The following XDH variants were observed in gnomAD, a reference collection of about 807,000 sequenced individuals.
XDH encodes xanthine dehydrogenase, also known as xanthine dehydrogenase/oxidase.
Under a neutral mutation model 156.1 loss-of-function variants are expected in XDH, and 138 were observed. The observed-to-expected ratio is 0.88, with a 90% CI of 0.77 to 1.02. XDH has a LOEUF of 1.02. Ranked by LOEUF, XDH falls within the 50% of genes least tolerant of loss-of-function variation. The pLI is 0.00. For missense variants in XDH, 1,849 were observed against 1,684.9 expected (o/e 1.10, Z -1.71); for synonymous variants, 669 against 625.7 (o/e 1.07, Z -1.03).
chr2:31,345,383 ACTATCCCTCCATC>A (rs1348227906), intron 30 of XDH, among the ~76,000 whole-genome samples: 1 of 152,104 alleles, frequency 6.6e-6, no homozygotes, highest in Non-Finnish European at 1.5e-5. Context: ...TGTTGATCAA[ACTATCCCTCCATC>A]CTATCCCTTG....
Position 31,344,883 on chromosome 2 carries a change from G to A in XDH, c.3352-147C>T, listed in dbSNP as rs927003309. On this transcript the variant is annotated intron_variant, in intron 30 of 35. Transcript: ENST00000379416. ...CCATTTCCATACCTTACCTTACATTGTCACTGGCACCACCTGCACCAGGTC... is the reference window on the plus strand; with the variant it reads ...CCATTTCCATACCTTACCTTACATTATCACTGGCACCACCTGCACCAGGTC... The A allele has an allele frequency of 8.9e-6, 7 of 786,594 alleles. No homozygotes were observed. In the African/African-American group the frequency reaches 1.0e-4, roughly 11 times the overall value. The allele number at this position is 786,594 out of a possible 1,614,324, so 48.7% of individuals were successfully genotyped here. A position where few individuals can be genotyped will look rare whatever the true frequency, so the allele number is the denominator to read the frequency against.
At chr2:31,410,941 C>T (rs766836330) in intron 1 of XDH, among the ~76,000 whole-genome samples, 1 of 152,118 alleles carries the variant, frequency 6.6e-6, no homozygotes, top group Non-Finnish European at 1.5e-5. Flanking sequence ...TAGTATTACA[C>T]CAAAGCTAAG....
At chr2:31,384,851 C>T (rs150887971) in intron 9 of XDH, among the ~76,000 whole-genome samples, 5 of 152,268 alleles carry the variant, frequency 3.3e-5, no homozygotes, top group African/African-American at 7.2e-5. Context: ...GCAAGTTCTA[C>T]GTTACTAAGG....
rs1042036 is a variant in XDH, at chr2:31,342,253, G to C, written c.3449C>G (p.Pro1150Arg). 4.3e-6 allele frequency: 7 copies of C among 1,614,116 alleles called. No homozygotes were observed. Among genetic ancestry groups the C allele is most frequent in the Non-Finnish European group, 5.9e-6 (7 of 1,180,012 alleles). Reference sequence around the variant, plus strand: ...CACCCCATAGCTGAAGTAGTGGAAGGGGTTCCCTGAGTTAGTCTCAAAGCT... The same window carrying C: ...CACCCCATAGCTGAAGTAGTGGAAGCGGTTCCCTGAGTTAGTCTCAAAGCT... ...GYSFETNSGNPFHYFSYGVAC... is the reference protein window; with the variant it reads ...GYSFETNSGNRFHYFSYGVAC... Residue 1150 changes from proline (P) to arginine (R), a missense_variant, in exon 32 of 36, where the codon CCC (proline) becomes CGC (arginine). Transcript: ENST00000379416.
At chr2:31,346,735 T>C (rs768411606) in intron 30 of XDH, 34 bp downstream of exon 30, 4 of 1,613,930 alleles carry the variant, frequency 2.5e-6, no homozygotes, top group East Asian at 2.2e-5. Context: ...TTCCCTCTCC[T>C]TTGCAAACGT....
At chr2:31,383,691 C>T (rs1686503604) in intron 10 of XDH, 64 bp downstream of exon 10, 1 of 1,510,476 alleles carries the variant, frequency 6.6e-7, no homozygotes, top group Non-Finnish European at 9.1e-7. Flanking sequence ...TACCTGCCAC[C>T]CACCTTGTAA....
intron 5 of XDH, 134 bp from the exon 6 acceptor site, chr2:31,397,863 C>A: frequency 5.1e-6 from 5 of 977,882 alleles, no homozygotes; most frequent in Non-Finnish European, 8.0e-6. Context: ...TCTGGAAGGC[C>A]TCTTGGCCTT....
At chr2:31,404,686 A>C (rs548556575) in intron 2 of XDH, among the ~76,000 whole-genome samples, 2 of 152,184 alleles carry the variant, frequency 1.3e-5, no homozygotes, top group Non-Finnish European at 2.9e-5. Context: ...TCCCAGGTAG[A>C]TGGGCTGTAA....
intron 6 of XDH, among the ~76,000 whole-genome samples, chr2:31,397,261 G>A (rs939927321): frequency 6.6e-6 from 1 of 152,242 alleles, no homozygotes; most frequent in African/African-American, 2.4e-5. Flanking sequence ...GCAGCCAGGA[G>A]AGGGAAGGAG....
At chr2:31,386,029 C>T (rs1686581944) in intron 9 of XDH, among the ~76,000 whole-genome samples, 1 of 152,246 alleles carries the variant, frequency 6.6e-6, no homozygotes, top group African/African-American at 2.4e-5. Context: ...TTCCAGAGTA[C>T]CTGGCTCATG....
At chr2:31,404,104 C>G (rs1687132871) in intron 2 of XDH, among the ~76,000 whole-genome samples, 1 of 152,084 alleles carries the variant, frequency 6.6e-6, no homozygotes, top group Non-Finnish European at 1.5e-5. Context: ...AAACTGAGAC[C>G]CAAGAGGTAA....
chr2:31,387,771 G>A lies in XDH; in HGVS notation c.651+40C>T, dbSNP rs541964944. On this transcript the variant is annotated intron_variant, in intron 8 of 35. Transcript: ENST00000379416. ...TAAAGCAGGTTTCCAGGGACTCACA[G>A]TACAGACCCGGCTGGATCTGTCCCT... is the stretch of plus-strand genomic sequence containing the variant. The A allele has an allele frequency of 2.6e-6, 4 of 1,543,192 alleles. No homozygotes were observed. In the African/African-American group the frequency reaches 5.4e-5, roughly 21 times the overall value.
At chr2:31,410,090 C>A (rs1978639) in intron 1 of XDH, among the ~76,000 whole-genome samples, 71,577 of 152,004 alleles carry the variant, frequency 0.47, 17,106 homozygotes, top group Non-Finnish European at 0.48. Context: ...TATGCTACAA[C>A]ATAGGTGAAC....
chr2:31,398,268 A>G (rs1686963802), intron 5 of XDH, among the ~76,000 whole-genome samples: 1 of 152,170 alleles, frequency 6.6e-6, no homozygotes, highest in South Asian at 2.1e-4. Flanking sequence ...GAGTTTTCTA[A>G]ATGACGTCTT....
chr2:31,408,368 C>G (rs1462059408), intron 1 of XDH, among the ~76,000 whole-genome samples: 1 of 152,144 alleles, frequency 6.6e-6, no homozygotes, highest in Non-Finnish European at 1.5e-5. Context: ...GGTGTGACAG[C>G]AGGATTACCA....
chr2:31,353,333 A>T (rs1405190001), intron 24 of XDH, among the ~76,000 whole-genome samples: 1 of 152,186 alleles, frequency 6.6e-6, no homozygotes, highest in Non-Finnish European at 1.5e-5. Context: ...ATAATTACTG[A>T]CACATTACTC....
intron 24 of XDH, among the ~76,000 whole-genome samples, chr2:31,353,334 C>T (rs2148758875): frequency 6.6e-6 from 1 of 152,274 alleles, no homozygotes; most frequent in Non-Finnish European, 1.5e-5. Context: ...TAATTACTGA[C>T]ACATTACTCA....
intron 24 of XDH, among the ~76,000 whole-genome samples, chr2:31,361,634 A>G (rs1358174633): frequency 6.6e-6 from 1 of 152,218 alleles, no homozygotes; most frequent in Non-Finnish European, 1.5e-5. Context: ...CCTTAATGAC[A>G]GGTCTCTCCT....
Position 31,387,446 on chromosome 2 carries a change from G to A in XDH, c.651+365C>T, listed in dbSNP as rs187452336. Among the ~76,000 whole-genome samples, 236 of 152,080 alleles carry A rather than the reference G, an allele frequency of 1.6e-3. 1 individual carries two copies. The highest frequency in any genetic ancestry group is 0.01 in the Middle Eastern group (3 of 294). ...AATGGATTGCTTATAGAGGGAATACGTTTCTTGGAGTGCTTATGTATTAGA... is the reference window on the plus strand; with the variant it reads ...AATGGATTGCTTATAGAGGGAATACATTTCTTGGAGTGCTTATGTATTAGA... On this transcript the variant is annotated intron_variant, in intron 8 of 35. Transcript: ENST00000379416.
Sources: allele counts gnomAD v4.1 joint callset (sites outside exome capture counted in the v4.1 genomes callset), GRCh38; gene constraint gnomAD v4.1.1; transcripts MANE v1.5; gene names NCBI Gene and HGNC (gene_info 2026-07-23, HGNC 2026-07-21).